The following TPR variants were observed in gnomAD, a reference collection of about 807,000 sequenced individuals.
TPR encodes the protein nucleoprotein TPR.
A neutral mutation model predicts 316.1 loss-of-function variants in TPR; 51 were observed. That is an observed-to-expected ratio of 0.16 (90% confidence interval 0.13 to 0.20). The LOEUF (loss-of-function observed/expected upper bound fraction) is 0.20. Ranked by LOEUF, TPR falls within the 10% of genes least tolerant of loss-of-function variation. The pLI is 1.00. For missense variants in TPR, 2,272 were observed against 2,754.8 expected, an observed-to-expected ratio of 0.82 and a Z score of 3.92; for synonymous variants, 981 against 914.7, an observed-to-expected ratio of 1.07 and a Z score of -1.31.
intron 46 of TPR, 74 bp downstream of exon 46, chr1:186,320,238 C>T (rs1657740571): frequency 7.2e-6 from 9 of 1,244,238 alleles, no homozygotes; most frequent in Non-Finnish European, 9.8e-6. Flanking sequence ...TCTTTTTCCC[C>T]CCTTAAATCA....
chr1:186,325,339 T>C (rs1313805690), intron 42 of TPR, among the ~76,000 whole-genome samples: 1 of 152,162 alleles, frequency 6.6e-6, no homozygotes, highest in Non-Finnish European at 1.5e-5. Context: ...ATATATGCTA[T>C]ATTGATCCAA....
At chr1:186,362,588 A>G (rs1659228984) in intron 6 of TPR, among the ~76,000 whole-genome samples, 1 of 152,036 alleles carries the variant, frequency 6.6e-6, no homozygotes, top group African/African-American at 2.4e-5. Flanking sequence ...ACCACTTCTT[A>G]AACAAACACA....
chr1:186,342,333 G>GA (rs36062081), intron 27 of TPR: 95,914 of 151,868 alleles, frequency 0.63, 30,371 homozygotes, highest in Non-Finnish European at 0.65. Flanking sequence ...CTGTATTTAA[G>GA]GTTGGTTTCC....
chr1:186,318,676 TC>T (rs1304575391), intron 47 of TPR, 56 bp downstream of exon 47: 21 of 1,609,928 alleles, frequency 1.3e-5, no homozygotes, highest in Non-Finnish European at 1.6e-5. Flanking sequence ...AGAAGATACT[TC>T]ATAGGTTTTC....
In TPR at chr1:186,333,042, A is replaced by G. The variant is rs192158043; in HGVS notation, c.5455+80T>C. The G allele has an allele frequency of 3.6e-5, 53 of 1,483,738 alleles. 1 individual carries two copies. In the Middle Eastern group the frequency reaches 1.4e-3, roughly 40 times the overall value. 91.9% of individuals were successfully genotyped at this position (1,483,738 alleles called of 1,614,324 possible). On this transcript the variant is annotated intron_variant, in intron 37 of 50. Coordinates refer to ENST00000367478, the MANE Select transcript of TPR (RefSeq NM_003292.3). ...AACTTCATTTGTACAAAGAATACTC[A>G]AGATATATATACTCAAGATACACTC...
Position 186,335,488 on chromosome 1 carries a change from G to A in TPR, c.4761C>T (p.Ala1587=), listed in dbSNP as rs144311579. 7.8e-4 allele frequency: 1,254 copies of A among 1,613,260 alleles called. 12 individuals are homozygous for A. In the African/African-American group the frequency reaches 0.015, roughly 19 times the overall value. Residue 1587 remains alanine, a synonymous_variant, in exon 34 of 51, where the codon GCC becomes GCT. Coordinates refer to ENST00000367478, the MANE Select transcript of TPR (RefSeq NM_003292.3). ...ENEELKQRNG[A]LDQQKDELDV... Reference sequence around the variant, plus strand: ...CCAATTCATCTTTCTGCTGATCTAAGGCTCCATTCCTTTGTTTAAGCTCCT... The same window carrying A: ...CCAATTCATCTTTCTGCTGATCTAAAGCTCCATTCCTTTGTTTAAGCTCCT...
Position 186,336,641 on chromosome 1 carries a change from T to G in TPR, c.4560A>C (p.Gln1520His). 1 of 1,613,836 alleles carries G rather than the reference T, an allele frequency of 6.2e-7. No individual in the cohort carries two copies. The highest frequency in any genetic ancestry group is 1.1e-5 in the South Asian group (1 of 91,066). ...GAAGTCGTGAAAGTTCAGACTGAAG[T>G]TGCACAGTCTGTTCCTGGAGATTTC... ...EARNLQEQTV[Q>H]LQSELSRLRQ... Residue 1520 changes from glutamine (Q) to histidine (H), a missense_variant, in exon 33 of 51, where the codon CAA becomes CAC. Gln to His is a conservative substitution (Grantham distance 24, BLOSUM62 0). This residue lies in a region of TPR where 101 missense variants were observed against 113.0 expected (regional missense o/e 0.89). Coordinates refer to ENST00000367478, the MANE Select transcript of TPR (RefSeq NM_003292.3).
rs1658190423 is a variant in TPR at position 186,332,330 on chromosome 1, G to A, written c.5469C>T (p.Pro1823=). The change falls in exon 38 of 51, where the codon CCC becomes CCT. Residue 1823 remains proline (P), a synonymous_variant. Coordinates refer to ENST00000367478, the MANE Select transcript of TPR (RefSeq NM_003292.3). The part of the protein sequence containing the change: ...TAVFGTVSAT[P]SSSLPKRTRE... ...GTGTACGCTTTGGCAAAGAAGAACTGGGGGTAGCCGAAACTTTGAAATTAT... is the reference window on the plus strand; with the variant it reads ...GTGTACGCTTTGGCAAAGAAGAACTAGGGGTAGCCGAAACTTTGAAATTAT... 1 of 1,612,014 alleles carries A rather than the reference G, an allele frequency of 6.2e-7. No individual in the cohort carries two copies. Among genetic ancestry groups the A allele is most frequent in the Admixed American group, 1.7e-5 (1 of 59,752 alleles).
intron 18 of TPR, among the ~76,000 whole-genome samples, chr1:186,353,439 G>C (rs1246956546): frequency 6.6e-6 from 1 of 151,254 alleles, no homozygotes; most frequent in African/African-American, 2.4e-5. Flanking sequence ...AATTTATTTT[G>C]AAATGCAAGA....
chr1:186,340,558 A>G (rs1458522655), intron 29 of TPR, among the ~76,000 whole-genome samples: 2 of 151,904 alleles, frequency 1.3e-5, no homozygotes, highest in Non-Finnish European at 2.9e-5. Context: ...CAGCCTCCCA[A>G]GTAGATGGGA....
chr1:186,326,962 G>A (rs1657951840), intron 40 of TPR, among the ~76,000 whole-genome samples: 1 of 114,894 alleles, frequency 8.7e-6, no homozygotes, highest in Non-Finnish European at 1.7e-5. Context: ...AATTAAGATA[G>A]AAGAAAAACA....
intron 46 of TPR, among the ~76,000 whole-genome samples, chr1:186,319,042 G>A (rs1450630357): frequency 6.6e-6 from 1 of 152,054 alleles, no homozygotes; most frequent in African/African-American, 2.4e-5. Context: ...CAAGTTAAGA[G>A]TGCAGTGACA....
At chr1:186,365,731 C>G (rs1659325233) in intron 4 of TPR, among the ~76,000 whole-genome samples, 1 of 152,160 alleles carries the variant, frequency 6.6e-6, no homozygotes, top group Non-Finnish European at 1.5e-5. Flanking sequence ...TTGGAGGAAA[C>G]TCTCCAGATG....
At chr1:186,325,914 A>G (rs1422068944) in intron 41 of TPR, 60 bp from the exon 42 acceptor site, 2 of 1,590,166 alleles carry the variant, frequency 1.3e-6, no homozygotes, top group East Asian at 4.5e-5. Context: ...AAAAAACCGG[A>G]CAGAATAATT....
chr1:186,366,930 T>C (rs1659362051), intron 4 of TPR, among the ~76,000 whole-genome samples: 1 of 151,824 alleles, frequency 6.6e-6, no homozygotes, highest in Non-Finnish European at 1.5e-5. Flanking sequence ...GAAGGAACTC[T>C]TGTGAGACTG....
rs1469542903 is a variant in TPR at position 186,338,113 on chromosome 1, C to T, written c.4282G>A (p.Val1428Ile). The change falls in exon 31 of 51, where the codon GTC becomes ATC. Residue 1428 changes from valine to isoleucine, a missense_variant. Transcript: ENST00000367478. ...TTCTTAACTTGAGTAATAGTTTTGA[C>T]TTTTTCTTGGATATCAATTATTTTG... ...DAKIIDIQEK[V>I]KTITQVKKIG... 4 of 1,612,500 alleles carry T rather than the reference C, an allele frequency of 2.5e-6. No individual in the cohort carries two copies. Among genetic ancestry groups the T allele is most frequent in the Non-Finnish European group, 2.5e-6 (3 of 1,179,412 alleles).
At chr1:186,316,014 T>C (rs1657601616) in intron 49 of TPR, among the ~76,000 whole-genome samples, 2 of 151,358 alleles carry the variant, frequency 1.3e-5, no homozygotes, top group South Asian at 4.2e-4. Context: ...AATACTCAGA[T>C]GGGGGAAGTA....
intron 19 of TPR, 21 bp from the exon 20 acceptor site, chr1:186,351,491 T>C (rs762187933): frequency 6.5e-7 from 1 of 1,534,602 alleles, no homozygotes; most frequent in Non-Finnish European, 8.7e-7. Flanking sequence ...GAAAAGATTT[T>C]TGGTTATGCT....
intron 18 of TPR, among the ~76,000 whole-genome samples, chr1:186,352,826 A>G (rs1407976681): frequency 6.6e-6 from 1 of 152,222 alleles, no homozygotes; most frequent in Non-Finnish European, 1.5e-5. Flanking sequence ...ATTATACATT[A>G]GCTCTTGAGT....
Sources: gnomAD v4.1 joint callset for allele counts (sites outside exome capture counted in the v4.1 genomes callset) on GRCh38, gnomAD v4.1.1 for gene constraint, gnomAD v4.1.1 regional missense constraint, MANE v1.5 for transcripts, NCBI Gene and HGNC (gene_info 2026-07-23, HGNC 2026-07-21) for gene names.